UMODL1: variants seen among roughly 807,000 people sequenced by gnomAD.
The protein encoded by UMODL1 is uromodulin-like 1.
In UMODL1, 128 loss-of-function variants were observed where a neutral mutation model predicts 136.3. The ratio of observed to expected loss-of-function variants is 0.94; its 90% CI spans 0.81 to 1.09. UMODL1 has a LOEUF of 1.09. UMODL1 is among the 50% of genes least tolerant of loss of function. The pLI is 0.00. For synonymous variants in UMODL1, 721 were observed against 720.0 expected (o/e 1.00, Z -0.02); for missense variants, 1,766 against 1,725.6 (o/e 1.02, Z -0.41).
chr21:42,125,782 G>A (rs1569174079), intron 17 of UMODL1, among the ~76,000 whole-genome samples: 1 of 152,122 alleles, frequency 6.6e-6, no homozygotes, highest in African/African-American at 2.4e-5. Flanking sequence ...AGGGCTGCGG[G>A]GCCAAGTGGA....
At chr21:42,104,262 A>G (rs1255421534) in intron 9 of UMODL1, among the ~76,000 whole-genome samples, 175 bp downstream of exon 9, 2 of 151,922 alleles carry the variant, frequency 1.3e-5, no homozygotes, top group African/African-American at 2.4e-5. Context: ...TAACTAGCTC[A>G]CCTGTGTCTC....
upstream of UMODL1, among the ~76,000 whole-genome samples, chr21:42,066,792 G>A (rs1351988537): frequency 2.0e-5 from 3 of 152,196 alleles, no homozygotes; most frequent in Non-Finnish European, 2.9e-5. Flanking sequence ...TTGAAAACAC[G>A]CATGCAGTTA....
At chr21:42,133,645 C>T (rs1379205672) in intron 21 of UMODL1, among the ~76,000 whole-genome samples, 1 of 152,232 alleles carries the variant, frequency 6.6e-6, no homozygotes, top group African/African-American at 2.4e-5. Context: ...ATTGTAGGGC[C>T]AAGTCCTCCC....
intron 14 of UMODL1, 28 bp from the exon 15 acceptor site, chr21:42,119,083 C>T (rs764444014): frequency 9.4e-6 from 15 of 1,604,166 alleles, no homozygotes; most frequent in East Asian, 2.2e-5. Context: ...AGCGTGGGGA[C>T]CTCCTCACAT....
rs540800065 is a variant in UMODL1, at chr21:42,104,105, G to T, written c.1519+18G>T. On this transcript the variant is annotated intron_variant, in intron 9 of 22. Transcript: ENST00000408910. ...CGTGCAAGGTATGGCCCAGCCACCC[G>T]CCCTGCTGCCTGGTGTCCTCCAGCT... 2 of 1,593,642 alleles carry T rather than the reference G, an allele frequency of 1.3e-6. No homozygotes were observed. The highest frequency in any genetic ancestry group is 2.2e-5 in the South Asian group (2 of 90,098).
chr21:42,078,038 G>A (rs936434570), intron 2 of UMODL1, among the ~76,000 whole-genome samples: 1 of 152,216 alleles, frequency 6.6e-6, no homozygotes, highest in Non-Finnish European at 1.5e-5. Flanking sequence ...GCCAGGCAGA[G>A]AGAGGGCCTG....
At chr21:42,140,958 A>G (rs1266005302) in intron 22 of UMODL1, among the ~76,000 whole-genome samples, 1 of 151,860 alleles carries the variant, frequency 6.6e-6, no homozygotes, top group African/African-American at 2.4e-5. Context: ...CACCAACCCC[A>G]TTGCCTCCCA....
At chr21:42,067,297 C>A (rs1235110202), upstream of UMODL1, among the ~76,000 whole-genome samples, 1 of 152,042 alleles carries the variant, frequency 6.6e-6, no homozygotes, top group African/African-American at 2.4e-5. Flanking sequence ...AATTATATTT[C>A]CCCAGTAATG....
At chr21:42,113,501 G>A (rs2066863171) in intron 12 of UMODL1, 72 bp from the exon 13 acceptor site, 5 of 1,535,984 alleles carry the variant, frequency 3.3e-6, no homozygotes, top group Non-Finnish European at 4.4e-6. Flanking sequence ...TTGATTTTTG[G>A]CATTGGGCGA....
Position 42,084,071 on chromosome 21 carries a change from C to A in UMODL1, c.320-13C>A, listed in dbSNP as rs1374400253. On this transcript the variant is annotated splice_polypyrimidine_tract_variant and intron_variant, in intron 2 of 22. Coordinates refer to ENST00000408910, the MANE Select transcript of UMODL1 (RefSeq NM_001004416.3). ...TTATCGCCAGTATCATTAATTGTAT[C>A]ATTTTCTCCCAGCCCTGAATCAGTC... The A allele has an allele frequency of 6.2e-7, 1 of 1,609,270 alleles. No homozygotes were observed. The highest frequency in any genetic ancestry group is 8.5e-7 in the Non-Finnish European group (1 of 1,176,960).
rs962881082 is a variant in UMODL1, at chr21:42,108,940, TATACTC to T, written c.1520-620_1520-615del. The stretch of plus-strand genomic sequence containing the variant: ...CCCCCCCCACGAGAGAAGTCCATGT[TATACTC>T]AGGCTGACCCCCACTCCTGGCATGT... On this transcript the variant is annotated intron_variant, in intron 9 of 22. Transcript: ENST00000408910. Among the ~76,000 whole-genome samples the T allele has an allele frequency of 2.5e-4, 15 of 59,076 alleles. No individual in the cohort carries two copies. In the South Asian group the frequency reaches 6.0e-3, roughly 24 times the overall value. 38.8% of individuals were successfully genotyped at this position (59,076 alleles called of 152,430 possible). A position where few individuals can be genotyped will look rare whatever the true frequency, so the allele number is the denominator to read the frequency against.
chr21:42,132,104 AC>A (rs1386378374), intron 21 of UMODL1, among the ~76,000 whole-genome samples: 5 of 152,034 alleles, frequency 3.3e-5, no homozygotes, highest in Non-Finnish European at 7.4e-5. Flanking sequence ...TCCATCATCC[AC>A]CCATACATCT....
Position 42,085,520 on chromosome 21 carries a change from C to G in UMODL1, c.603+108C>G. The G allele has an allele frequency of 6.7e-7, 1 of 1,490,228 alleles. No homozygotes were observed. Among genetic ancestry groups the G allele is most frequent in the Non-Finnish European group, 9.1e-7 (1 of 1,095,424 alleles). The allele number at this position is 1,490,228 out of a possible 1,614,324, so 92.3% of individuals were successfully genotyped here. A position where few individuals can be genotyped will look rare whatever the true frequency, so the allele number is the denominator to read the frequency against. ...CCTGGGGGTTGGGGAGGGTGATGTT[C>G]CCCAAATGGCCCCAAATGACTGACT... On this transcript the variant is annotated intron_variant, in intron 4 of 22. Transcript: ENST00000408910. This position sits in a 1 kb window ranked among gnomAD's most constrained non-coding sequence, Gnocchi z 4.5.
chr21:42,120,350 G>T (rs220149), intron 15 of UMODL1, among the ~76,000 whole-genome samples: 85,732 of 152,106 alleles, frequency 0.56, 24,570 homozygotes, highest in Middle Eastern at 0.75. Flanking sequence ...TTTGTCCTAA[G>T]GAATTTGATC....
At chr21:42,065,426 T>A (rs779198976) in intron 1 of UMODL1, among the ~76,000 whole-genome samples, 7 of 152,148 alleles carry the variant, frequency 4.6e-5, no homozygotes, top group Non-Finnish European at 1.5e-5. Flanking sequence ...TAAGAGATGA[T>A]CCAGTCACGA....
intron 18 of UMODL1, 137 bp from the exon 19 acceptor site, chr21:42,126,869 C>G (rs141131957): frequency 1.3e-6 from 1 of 797,796 alleles, no homozygotes; most frequent in Non-Finnish European, 2.1e-6. Flanking sequence ...CAAGTGCTCT[C>G]GTTTGGGGTT....
At chr21:42,072,067 A>G in intron 1 of UMODL1, among the ~76,000 whole-genome samples, 1 of 147,994 alleles carries the variant, frequency 6.8e-6, no homozygotes, top group East Asian at 2.0e-4. Context: ...AAACAAACAA[A>G]AAAAGCCACA....
Position 42,084,215 on chromosome 21 carries a change from G to A in UMODL1, c.451G>A (p.Gly151Arg), listed in dbSNP as rs751646456. Reference sequence around the variant, plus strand: ...TGAGAAGTGCTGCCCCTGGTCAGGGGGGCGCTACTGCATGGCCCCTGCACC... The same window carrying A: ...TGAGAAGTGCTGCCCCTGGTCAGGGAGGCGCTACTGCATGGCCCCTGCACC... ...GLEKCCPWSG[G>R]RYCMAPAPQA... is the part of the protein sequence containing the mutation. The change falls in exon 3 of 23, where the codon GGG (glycine) becomes AGG (arginine). Residue 151 changes from glycine to arginine, a missense_variant. Transcript: ENST00000408910. 2.5e-6 allele frequency: 4 copies of A among 1,613,606 alleles called. No individual in the cohort carries two copies. The highest frequency in any genetic ancestry group is 3.4e-6 in the Non-Finnish European group (4 of 1,180,004).
intron 1 of UMODL1, 62 bp downstream of exon 1, chr21:42,071,454 C>T (rs533235264): frequency 4.8e-6 from 7 of 1,453,636 alleles, no homozygotes; most frequent in African/African-American, 1.4e-5. Context: ...GCATGGGTCT[C>T]ATGAGGACAG....
Sources: allele counts gnomAD v4.1 joint callset (sites outside exome capture counted in the v4.1 genomes callset), GRCh38; gene constraint gnomAD v4.1.1; non-coding constraint Gnocchi (gnomAD v3.1); transcripts MANE v1.5; gene names NCBI Gene and HGNC (gene_info 2026-07-23, HGNC 2026-07-21).